CAMTA1: variants seen among roughly 807,000 people sequenced by gnomAD.
The protein encoded by CAMTA1 is calmodulin-binding transcription activator 1.
Under a neutral mutation model 170.9 loss-of-function variants are expected in CAMTA1, and 27 were observed. That is an observed-to-expected ratio of 0.16 (90% confidence interval 0.12 to 0.22). CAMTA1 has a LOEUF of 0.22. Among genes scored for constraint, CAMTA1 ranks in the 10% least tolerant of loss-of-function variants. CAMTA1 has a pLI of 1.00. For synonymous variants in CAMTA1, 833 were observed against 891.5 expected, an observed-to-expected ratio of 0.93 and a Z score of 1.17; for missense variants, 1,619 against 2,217.2, an observed-to-expected ratio of 0.73 and a Z score of 5.42.
At chr1:7,366,707 A>G (rs1055440233) in intron 5 of CAMTA1, among the ~76,000 whole-genome samples, 1 of 152,218 alleles carries the variant, frequency 6.6e-6, no homozygotes, top group African/African-American at 2.4e-5. Context: ...TCTGAAGTGA[A>G]GGCCCTTGGG....
intron 4 of CAMTA1, among the ~76,000 whole-genome samples, chr1:7,181,919 C>A (rs1259243455): frequency 6.6e-6 from 1 of 151,930 alleles, no homozygotes; most frequent in African/African-American, 2.4e-5. Flanking sequence ...AAATTAAGAA[C>A]TACTGGGAGG....
intron 3 of CAMTA1, among the ~76,000 whole-genome samples, chr1:6,914,609 G>T (rs1680404331): frequency 6.6e-6 from 1 of 152,236 alleles, no homozygotes; most frequent in Admixed American, 6.5e-5. Context: ...TGTGTGGGGT[G>T]CTGTTTACCC....
At chr1:6,948,791 TCAAA>T (rs1687978096) in intron 3 of CAMTA1, among the ~76,000 whole-genome samples, 1 of 152,210 alleles carries the variant, frequency 6.6e-6, no homozygotes, top group African/African-American at 2.4e-5. Flanking sequence ...GGGTCTCCCC[TCAAA>T]CCCAGGCATT....
intron 6 of CAMTA1, among the ~76,000 whole-genome samples, chr1:7,553,684 A>G (rs1449079395): frequency 1.3e-5 from 2 of 152,220 alleles, no homozygotes; most frequent in Non-Finnish European, 2.9e-5. Context: ...AGGAAAGGAA[A>G]GGGCAGCTTC....
chr1:7,403,461 C>A (rs1175069479), intron 5 of CAMTA1, among the ~76,000 whole-genome samples: 1 of 152,208 alleles, frequency 6.6e-6, no homozygotes, highest in African/African-American at 2.4e-5. Flanking sequence ...AGAGAGATCT[C>A]TTTAAGTGTA....
chr1:7,584,268 G>A (rs917883070), intron 6 of CAMTA1, among the ~76,000 whole-genome samples: 1 of 152,054 alleles, frequency 6.6e-6, no homozygotes, highest in Non-Finnish European at 1.5e-5. Context: ...GCAAGGAGAA[G>A]TGGGGATTTA....
chr1:6,798,298 ATATT>A (rs1643042537), intron 1 of CAMTA1, among the ~76,000 whole-genome samples: 1 of 152,146 alleles, frequency 6.6e-6, no homozygotes, highest in African/African-American at 2.4e-5. Context: ...TAAAAAAGGA[ATATT>A]TAATGGTAGA....
chr1:7,499,919 ATGAG>A (rs1374542483), intron 6 of CAMTA1, among the ~76,000 whole-genome samples: 18 of 138,858 alleles, frequency 1.3e-4, no homozygotes, highest in African/African-American at 2.5e-4. Flanking sequence ...GTGTGTGTGC[ATGAG>A]TGAGTGTGCA....
intron 5 of CAMTA1, among the ~76,000 whole-genome samples, chr1:7,352,890 C>T (rs774143110): frequency 2.6e-5 from 4 of 152,214 alleles, no homozygotes; most frequent in Non-Finnish European, 5.9e-5. Context: ...TCCGTGTGAG[C>T]CAGCCTCATC....
At position 7,259,003 on chromosome 1, in the gene CAMTA1, C is replaced by T. The variant is rs112017466; in HGVS notation, c.438+9377C>T. Among the ~76,000 whole-genome samples the T allele has an allele frequency of 9.3e-3, 1,410 of 152,256 alleles. 17 individuals are homozygous for T. Among genetic ancestry groups the T allele is most frequent in the Admixed American group, 0.04 (604 of 15,288 alleles). On this transcript the variant is annotated intron_variant, in intron 5 of 22. Transcript: ENST00000303635. ...GGGTGTAAATGAAGGGCTCTTTTGC[C>T]ACCAGTAGGAGCTGGGGAGAAAAAT...
Position 6,845,348 on chromosome 1 carries a change from C to T in CAMTA1, c.234+20138C>T, listed in dbSNP as rs114293658. 3.9e-3 allele frequency among the ~76,000 whole-genome samples: 595 copies of T among 152,290 alleles called. 4 individuals are homozygous for T. Among genetic ancestry groups the T allele is most frequent in the African/African-American group, 0.013 (559 of 41,544 alleles). ...TGGCATCTCCGTTTATATCTGCTAC[C>T]ACCTCTAACTACCTCGGCCCTCAGG... On this transcript the variant is annotated intron_variant, in intron 3 of 22. Coordinates refer to ENST00000303635, the MANE Select transcript of CAMTA1 (RefSeq NM_015215.4).
chr1:6,910,128 C>A (rs997808403), intron 3 of CAMTA1, among the ~76,000 whole-genome samples: 2 of 152,226 alleles, frequency 1.3e-5, no homozygotes, highest in African/African-American at 4.8e-5. Context: ...ACTTGCTGTC[C>A]TCTTGGAGTT....
chr1:7,136,379 A>G (rs1436281793), intron 4 of CAMTA1, among the ~76,000 whole-genome samples: 1 of 151,916 alleles, frequency 6.6e-6, no homozygotes, highest in African/African-American at 2.4e-5. Context: ...TGTGTGCCAG[A>G]TCACATTCCT....
chr1:6,789,963 C>G (rs1020450661), intron 1 of CAMTA1, among the ~76,000 whole-genome samples: 1 of 151,896 alleles, frequency 6.6e-6, no homozygotes, highest in Non-Finnish European at 1.5e-5. Context: ...GCGTGCACCA[C>G]CATGTCCGGC....
chr1:7,459,163 G>A (rs1450312661), intron 5 of CAMTA1, among the ~76,000 whole-genome samples: 1 of 152,162 alleles, frequency 6.6e-6, no homozygotes, highest in African/African-American at 2.4e-5. Context: ...AAGGAGCAAG[G>A]GCTTTGCGGT....
rs2096085066 is a variant in CAMTA1 at position 7,673,915 on chromosome 1, T to A, written c.2779+2878T>A. On this transcript the variant is annotated intron_variant, in intron 10 of 22. Coordinates refer to ENST00000303635, the MANE Select transcript of CAMTA1 (RefSeq NM_015215.4). The surrounding 1 kb of genome is among the most constrained non-coding windows in gnomAD (Gnocchi z 4.6). Reference sequence around the variant, plus strand: ...CAGCTTCTCACCGGGCCCCTGATCGTAAGGGGCTCTCGGTCCAGGGAGGAG... The same window carrying A: ...CAGCTTCTCACCGGGCCCCTGATCGAAAGGGGCTCTCGGTCCAGGGAGGAG... Among the ~76,000 whole-genome samples the A allele has an allele frequency of 6.6e-6, 1 of 152,180 alleles. No homozygotes were observed. The highest frequency in any genetic ancestry group is 2.1e-4 in the South Asian group (1 of 4,824).
At chr1:6,827,265 C>T (rs867153128) in intron 3 of CAMTA1, among the ~76,000 whole-genome samples, 2 of 152,272 alleles carry the variant, frequency 1.3e-5, no homozygotes, top group Middle Eastern at 3.4e-3. Flanking sequence ...GTGGAGGCAG[C>T]AGGAGGTGGC....
chr1:7,475,295 A>G lies in CAMTA1; in HGVS notation c.510+7394A>G, dbSNP rs78806150. Among the ~76,000 whole-genome samples the G allele has an allele frequency of 6.4e-3, 970 of 152,274 alleles. 11 individuals carry two copies. The highest frequency in any genetic ancestry group is 0.022 in the African/African-American group (906 of 41,550). On this transcript the variant is annotated intron_variant, in intron 6 of 22. Coordinates refer to ENST00000303635, the MANE Select transcript of CAMTA1 (RefSeq NM_015215.4). ...GTACCTGGGCCTTCTACTGCCATCTATCGCTGGGGCAGGGCTCCACGGCTC... is the reference window on the plus strand; with the variant it reads ...GTACCTGGGCCTTCTACTGCCATCTGTCGCTGGGGCAGGGCTCCACGGCTC...
intron 5 of CAMTA1, among the ~76,000 whole-genome samples, chr1:7,434,137 CTCTT>C (rs2092272658): frequency 6.6e-6 from 1 of 152,170 alleles, no homozygotes; most frequent in African/African-American, 2.4e-5. Flanking sequence ...CCAGCTCTCT[CTCTT>C]TTACTTTCCA....
Sources: allele counts gnomAD v4.1 joint callset (sites outside exome capture counted in the v4.1 genomes callset), GRCh38; gene constraint gnomAD v4.1.1; non-coding constraint Gnocchi (gnomAD v3.1); transcripts MANE v1.5; gene names NCBI Gene and HGNC (gene_info 2026-07-23, HGNC 2026-07-21).